EPHA3: variants seen among roughly 807,000 people sequenced by gnomAD.
EPHA3 encodes ephrin type-A receptor 3.
A neutral mutation model predicts 107.1 loss-of-function variants in EPHA3; 42 were observed. The ratio of observed to expected loss-of-function variants is 0.39; its 90% CI spans 0.31 to 0.51. EPHA3 has a LOEUF of 0.51. Ranked by LOEUF, EPHA3 falls within the 20% of genes least tolerant of loss-of-function variation. The pLI is 0.78. For synonymous variants in EPHA3, 461 were observed against 424.8 expected (o/e 1.09, Z -1.05); for missense variants, 1,183 against 1,211.2 (o/e 0.98, Z 0.35).
chr3:89,284,937 G>A (rs1040751548), intron 3 of EPHA3, among the ~76,000 whole-genome samples: 1 of 152,042 alleles, frequency 6.6e-6, no homozygotes, highest in Non-Finnish European at 1.5e-5. Flanking sequence ...AACCAGCCTG[G>A]CCAACAGGGT....
chr3:89,162,530 T>C (rs1345169168), intron 2 of EPHA3, among the ~76,000 whole-genome samples: 1 of 152,156 alleles, frequency 6.6e-6, no homozygotes, highest in Admixed American at 6.5e-5. Flanking sequence ...TTGTCCAACC[T>C]CTCTCCTTCT....
At chr3:89,327,409 T>C (rs1443194438) in intron 3 of EPHA3, among the ~76,000 whole-genome samples, 1 of 152,132 alleles carries the variant, frequency 6.6e-6, no homozygotes, top group Non-Finnish European at 1.5e-5. Flanking sequence ...TGAACTTGCC[T>C]AGTCATAAAA....
At chr3:89,191,494 G>A (rs7647809) in intron 2 of EPHA3, among the ~76,000 whole-genome samples, 17,264 of 151,764 alleles carry the variant, frequency 0.11, 997 homozygotes, top group Middle Eastern at 0.18. Flanking sequence ...TTTTAGTAGA[G>A]ACGGGGTTTC....
intron 2 of EPHA3, among the ~76,000 whole-genome samples, chr3:89,184,717 A>T (rs1705522084): frequency 1.3e-5 from 2 of 152,022 alleles, no homozygotes; most frequent in Admixed American, 6.6e-5. Context: ...AACTCTTGAA[A>T]TGGATTCGTT....
chr3:89,126,454 TA>T (rs1246479260), intron 1 of EPHA3, among the ~76,000 whole-genome samples: 2 of 151,848 alleles, frequency 1.3e-5, no homozygotes, highest in African/African-American at 4.8e-5. Flanking sequence ...AATAATATAT[TA>T]AAAATGCAAC....
In EPHA3 at chr3:89,245,474, T is replaced by G. The variant is rs560855847; in HGVS notation, c.814+34954T>G. 5.1e-3 allele frequency among the ~76,000 whole-genome samples: 778 copies of G among 152,312 alleles called. 9 individuals are homozygous for G. Among genetic ancestry groups the G allele is most frequent in the African/African-American group, 0.018 (737 of 41,588 alleles). ...TATAACTTGTAATTGATGAATATTA[T>G]AAACATGAAAAACAATATTATGCCT... On this transcript the variant is annotated intron_variant, in intron 3 of 16. Transcript: ENST00000336596.
At chr3:89,199,119 A>G (rs1196076932) in intron 2 of EPHA3, among the ~76,000 whole-genome samples, 2 of 152,222 alleles carry the variant, frequency 1.3e-5, no homozygotes, top group Non-Finnish European at 2.9e-5. Context: ...TTGGCTATAT[A>G]TGATTAGAAA....
At chr3:89,268,692 G>A (rs1412024465) in intron 3 of EPHA3, among the ~76,000 whole-genome samples, 2 of 151,744 alleles carry the variant, frequency 1.3e-5, no homozygotes, top group Non-Finnish European at 2.9e-5. Flanking sequence ...GATTTTTTAG[G>A]AAAAAGAAAT....
chr3:89,443,883 G>A (rs1294573488), intron 13 of EPHA3, among the ~76,000 whole-genome samples: 1 of 152,060 alleles, frequency 6.6e-6, no homozygotes, highest in Non-Finnish European at 1.5e-5. Flanking sequence ...TGACCAAGAT[G>A]TTCAGATAAG....
intron 3 of EPHA3, among the ~76,000 whole-genome samples, chr3:89,245,050 A>C (rs537609309): frequency 1.3e-5 from 2 of 152,354 alleles, no homozygotes; most frequent in East Asian, 3.9e-4. Flanking sequence ...ACATTTAAAA[A>C]AATTACCAAA....
rs78427120 is a variant in EPHA3 at position 89,430,094 on chromosome 3, A to G, written c.2136+927A>G. Among the ~76,000 whole-genome samples the G allele has an allele frequency of 9.7e-3, 1,473 of 152,272 alleles. 27 individuals carry two copies. Among genetic ancestry groups the G allele is most frequent in the African/African-American group, 0.034 (1,410 of 41,564 alleles). On this transcript the variant is annotated intron_variant, in intron 12 of 16. Coordinates refer to ENST00000336596, the MANE Select transcript of EPHA3 (RefSeq NM_005233.6). ...TTGACATACTATATTTCACCATAAG[A>G]AAGTGAATATATTAAATTTACATCT...
intron 15 of EPHA3, among the ~76,000 whole-genome samples, chr3:89,470,309 G>A (rs1367907325): frequency 1.3e-5 from 2 of 152,070 alleles, no homozygotes; most frequent in Non-Finnish European, 2.9e-5. Context: ...TGGTTAACAA[G>A]ATCATTGCAT....
intron 5 of EPHA3, among the ~76,000 whole-genome samples, chr3:89,378,349 T>C (rs1559672147): frequency 6.6e-6 from 1 of 152,168 alleles, no homozygotes; most frequent in Non-Finnish European, 1.5e-5. Flanking sequence ...TTTAGTTACT[T>C]TATTGACTCA....
At chr3:89,301,257 T>G (rs1429511203) in intron 3 of EPHA3, among the ~76,000 whole-genome samples, 3 of 152,100 alleles carry the variant, frequency 2.0e-5, no homozygotes, top group Admixed American at 6.6e-5. Context: ...AGCAACATTG[T>G]AGGACGAATG....
chr3:89,417,727 T>C (rs1709276450), intron 10 of EPHA3, among the ~76,000 whole-genome samples: 2 of 151,504 alleles, frequency 1.3e-5, no homozygotes. Context: ...TTATCTTCTC[T>C]ACACTTCCTC....
chr3:89,236,412 A>T (rs1704762341), intron 3 of EPHA3, among the ~76,000 whole-genome samples: 1 of 152,138 alleles, frequency 6.6e-6, no homozygotes, highest in South Asian at 2.1e-4. Flanking sequence ...ATGACATTAA[A>T]ACTGTGTACG....
chr3:89,132,221 T>C (rs1704221462), intron 2 of EPHA3, among the ~76,000 whole-genome samples: 1 of 152,180 alleles, frequency 6.6e-6, no homozygotes, highest in Non-Finnish European at 1.5e-5. Flanking sequence ...CCAGTGAGCA[T>C]AAGAGAAGCC....
chr3:89,416,133 CT>C (rs1374581792), intron 10 of EPHA3, among the ~76,000 whole-genome samples: 3 of 151,362 alleles, frequency 2.0e-5, no homozygotes, highest in Admixed American at 6.6e-5. Context: ...TAAATGTCGG[CT>C]TTTTTTAATT....
At chr3:89,268,497 C>T (rs1705588449) in intron 3 of EPHA3, among the ~76,000 whole-genome samples, 1 of 151,894 alleles carries the variant, frequency 6.6e-6, no homozygotes, top group South Asian at 2.1e-4. Flanking sequence ...TTTCCTTTTT[C>T]TTATTTCTTG....
Sources: gnomAD v4.1 joint callset for allele counts (sites outside exome capture counted in the v4.1 genomes callset) on GRCh38, gnomAD v4.1.1 for gene constraint, MANE v1.5 for transcripts, NCBI Gene and HGNC (gene_info 2026-07-23, HGNC 2026-07-21) for gene names.